SLC71A2: variants seen among roughly 807,000 people sequenced by gnomAD.
SLC71A2 encodes the protein hippocampus abundant transcript-like 1.
the SLC71A2 span, among the ~76,000 whole-genome samples, chr9:94,452,490 A>G: frequency 6.6e-6 from 1 of 151,850 alleles, no homozygotes; most frequent in African/African-American, 2.4e-5. Context: ...CCAGCTACTC[A>G]GGAGGCTGAG....
the SLC71A2 span, among the ~76,000 whole-genome samples, chr9:94,397,144 C>G: frequency 6.6e-6 from 1 of 152,066 alleles, no homozygotes; most frequent in African/African-American, 2.4e-5. Context: ...TATTCTTGTC[C>G]ATTTATTTTT....
chr9:94,384,929 T>C, the SLC71A2 span, among the ~76,000 whole-genome samples: 3 of 152,024 alleles, frequency 2.0e-5, no homozygotes, highest in Admixed American at 6.6e-5. Flanking sequence ...AGGTTCCTTA[T>C]AAAATAATGA....
At chr9:94,412,323 A>ATT in the SLC71A2 span, among the ~76,000 whole-genome samples, 1 of 152,166 alleles carries the variant, frequency 6.6e-6, no homozygotes, top group Non-Finnish European at 1.5e-5. Context: ...AAGATGAAGT[A>ATT]TTTTTTTGAC....
the SLC71A2 span, among the ~76,000 whole-genome samples, chr9:94,404,906 G>A: frequency 2.0e-5 from 3 of 152,078 alleles, no homozygotes; most frequent in East Asian, 1.9e-4. Flanking sequence ...TATCCAAGAA[G>A]TCATTGTCAA....
chr9:94,416,730 T>A, the SLC71A2 span, among the ~76,000 whole-genome samples: 11 of 152,050 alleles, frequency 7.2e-5, no homozygotes, highest in African/African-American at 2.4e-4. Context: ...GGTGCATGCC[T>A]GTAATCCCAG....
At chr9:94,433,175 G>A in the SLC71A2 span, 5 of 256,386 alleles carry the variant, frequency 2.0e-5, no homozygotes, top group South Asian at 2.3e-4. Context: ...TGGCATATTG[G>A]TGGGATGGCT....
chr9:94,382,335 TTA>T, the SLC71A2 span, among the ~76,000 whole-genome samples: 1 of 151,548 alleles, frequency 6.6e-6, no homozygotes, highest in African/African-American at 2.4e-5. Flanking sequence ...TTCCCTAAAC[TTA>T]TATGTCTTCT....
chr9:94,458,173 T>G, the SLC71A2 span: 5 of 578,990 alleles, frequency 8.6e-6, no homozygotes, highest in South Asian at 1.4e-4. Context: ...ATGGATAAAG[T>G]CTTCCTAATC....
the SLC71A2 span, among the ~76,000 whole-genome samples, chr9:94,447,354 A>G: frequency 6.6e-6 from 1 of 150,962 alleles, no homozygotes; most frequent in Non-Finnish European, 1.5e-5. Context: ...CAATTTTTGT[A>G]TTTTTAGTAG....
At chr9:94,387,312 T>C in the SLC71A2 span, among the ~76,000 whole-genome samples, 3 of 152,234 alleles carry the variant, frequency 2.0e-5, no homozygotes, top group Non-Finnish European at 4.4e-5. Flanking sequence ...ATATTGTTTA[T>C]ATACAGTATT....
the SLC71A2 span, among the ~76,000 whole-genome samples, chr9:94,456,555 T>C: frequency 6.6e-6 from 1 of 152,224 alleles, no homozygotes; most frequent in Non-Finnish European, 1.5e-5. Flanking sequence ...GCAGTTCAGA[T>C]TGCTAACAAT....
the SLC71A2 span, among the ~76,000 whole-genome samples, chr9:94,396,846 C>T: frequency 6.6e-6 from 1 of 152,162 alleles, no homozygotes; most frequent in African/African-American, 2.4e-5. Context: ...TCTCGGCTTA[C>T]CACAACCTCT....
At chr9:94,434,088 T>C in the SLC71A2 span, among the ~76,000 whole-genome samples, 2 of 152,168 alleles carry the variant, frequency 1.3e-5, no homozygotes, top group African/African-American at 4.8e-5. Context: ...TGTTGAAGTA[T>C]ATTCTACAAA....
At chr9:94,384,336 CTTTTTT>C in the SLC71A2 span, among the ~76,000 whole-genome samples, 9 of 133,290 alleles carry the variant, frequency 6.8e-5, no homozygotes, top group South Asian at 2.4e-4. Flanking sequence ...TCAAATTTTC[CTTTTTT>C]TTTTTTTTTT....
the SLC71A2 span, chr9:94,374,856 G>T: frequency 4.1e-6 from 4 of 967,272 alleles, no homozygotes; most frequent in East Asian, 3.5e-5. Context: ...GGAGGAGAAG[G>T]CGGCGTCGGA....
At chr9:94,405,032 C>T in the SLC71A2 span, among the ~76,000 whole-genome samples, 3 of 152,038 alleles carry the variant, frequency 2.0e-5, no homozygotes, top group African/African-American at 7.2e-5. Context: ...TTTAGGGTAG[C>T]GATCCAACTT....
the SLC71A2 span, among the ~76,000 whole-genome samples, chr9:94,378,503 C>T: frequency 6.6e-6 from 1 of 151,970 alleles, no homozygotes; most frequent in Non-Finnish European, 1.5e-5. Flanking sequence ...TGGTGCATAC[C>T]TGTAGTCCTA....
At chr9:94,409,007 T>C in the SLC71A2 span, among the ~76,000 whole-genome samples, 1 of 151,496 alleles carries the variant, frequency 6.6e-6, no homozygotes, top group African/African-American at 2.4e-5. Flanking sequence ...TTTTTATTTT[T>C]AATTTTTAGT....
At chr9:94,378,878 C>G in the SLC71A2 span, among the ~76,000 whole-genome samples, 1 of 150,688 alleles carries the variant, frequency 6.6e-6, no homozygotes, top group South Asian at 2.1e-4. Flanking sequence ...TAATACAGTT[C>G]TAGAACTTTA....
Sources: allele counts gnomAD v4.1 joint callset (sites outside exome capture counted in the v4.1 genomes callset), GRCh38; gene constraint gnomAD v4.1.1; transcripts MANE v1.5; gene names NCBI Gene and HGNC (gene_info 2026-07-23, HGNC 2026-07-21).